The following DNAI4 variants were observed in gnomAD, a reference collection of about 807,000 sequenced individuals.
DNAI4 encodes the protein dynein axonemal intermediate chain 4.
In DNAI4, 85 loss-of-function variants were observed where a neutral mutation model predicts 105.8. That is an observed-to-expected ratio of 0.80 (90% CI 0.67 to 0.96). The LOEUF is 0.96. Ranked by LOEUF, DNAI4 falls within the 40% of genes least tolerant of loss-of-function variation. The pLI is 0.00. For synonymous variants in DNAI4, 352 were observed against 331.5 expected (o/e 1.06, Z -0.67); for missense variants, 1,014 against 1,005.6 (o/e 1.01, Z -0.11).
chr1:66,894,620 G>A (rs1648157457), intron 2 of DNAI4, among the ~76,000 whole-genome samples: 1 of 152,026 alleles, frequency 6.6e-6, no homozygotes, highest in Non-Finnish European at 1.5e-5. Context: ...AATATACCCA[G>A]AATTAATTTT....
chr1:66,842,004 C>T (rs952044219), intron 8 of DNAI4, among the ~76,000 whole-genome samples: 3 of 152,290 alleles, frequency 2.0e-5, no homozygotes, highest in African/African-American at 7.2e-5. Flanking sequence ...TCTGGTCCCT[C>T]GTCCCTGGAA....
At chr1:66,833,918 T>A (rs1212182427) in intron 12 of DNAI4, 73 bp downstream of exon 12, 9 of 1,505,192 alleles carry the variant, frequency 6.0e-6, no homozygotes, top group Non-Finnish European at 8.0e-6. Context: ...ATTTGTCATC[T>A]TTCACACATG....
intron 1 of DNAI4, among the ~76,000 whole-genome samples, chr1:66,920,199 G>C (rs1173390555): frequency 1.3e-5 from 2 of 152,194 alleles, no homozygotes; most frequent in East Asian, 1.9e-4. Flanking sequence ...ACTTCAGAGG[G>C]ACAGCTTGAT....
intron 4 of DNAI4, among the ~76,000 whole-genome samples, chr1:66,883,251 T>C (rs1430954465): frequency 6.7e-6 from 1 of 149,402 alleles, no homozygotes; most frequent in Non-Finnish European, 1.5e-5. Flanking sequence ...TCTGTAAGTA[T>C]AGACAGTTTT....
intron 10 of DNAI4, 29 bp downstream of exon 10, chr1:66,837,681 A>T: frequency 6.3e-7 from 1 of 1,590,460 alleles, no homozygotes; most frequent in Non-Finnish European, 8.6e-7. Context: ...CAGCCAGATA[A>T]AAATGCTTCT....
chr1:66,821,218 C>T (rs372403036), intron 16 of DNAI4, among the ~76,000 whole-genome samples: 286 of 150,940 alleles, frequency 1.9e-3, no homozygotes, highest in South Asian at 0.015. Flanking sequence ...CGTGCCTCAG[C>T]CTCCTGAGTA....
intron 13 of DNAI4, among the ~76,000 whole-genome samples, chr1:66,828,932 G>A (rs566101360): frequency 6.6e-5 from 10 of 152,020 alleles, no homozygotes; most frequent in African/African-American, 2.2e-4. Flanking sequence ...GTCATTTTTC[G>A]CTAGCGATCT....
At chr1:66,826,086 C>T (rs1645746634) in intron 15 of DNAI4, among the ~76,000 whole-genome samples, 1 of 152,132 alleles carries the variant, frequency 6.6e-6, no homozygotes, top group South Asian at 2.1e-4. Context: ...TCATACCCCT[C>T]TGAATATTTT....
rs372420665 is a variant in DNAI4, at chr1:66,877,595, C to T, written c.644-2658G>A. 2.0e-4 allele frequency among the ~76,000 whole-genome samples: 31 copies of T among 152,248 alleles called. No homozygotes were observed. The South Asian group carries it at 4.4e-3, about 21-fold the overall frequency. On this transcript the variant is annotated intron_variant, in intron 4 of 16. Transcript: ENST00000371026. Reference sequence around the variant, plus strand: ...TAATATTACTTTGGTACATTTAGTACAACTACAATATTGCTATTTTATCAT... The same window carrying T: ...TAATATTACTTTGGTACATTTAGTATAACTACAATATTGCTATTTTATCAT...
rs2100418494 is a variant in DNAI4, at chr1:66,834,057, G to A, written c.1825C>T (p.Leu609=). The change falls in exon 12 of 17, where the codon CTA becomes TTA. Residue 609 remains leucine, a synonymous_variant. Coordinates refer to ENST00000371026, the MANE Select transcript of DNAI4 (RefSeq NM_024763.5). ...CTTCCATCTGCTGATATAGAAACTAGTATTTCTCTTTTGCCATCTCCTGTT... is the reference window on the plus strand; with the variant it reads ...CTTCCATCTGCTGATATAGAAACTAATATTTCTCTTTTGCCATCTCCTGTT... ...GTTGDGKREI[L]VSISADGRIS... is the part of the protein sequence containing the mutation. 2 of 1,612,408 alleles carry A rather than the reference G, an allele frequency of 1.2e-6. No homozygotes were observed. Among genetic ancestry groups the A allele is most frequent in the South Asian group, 2.2e-5 (2 of 90,874 alleles).
chr1:66,835,878 A>G (rs1645975513), intron 10 of DNAI4, 101 bp from the exon 11 acceptor site: 2 of 982,832 alleles, frequency 2.0e-6, no homozygotes, highest in Admixed American at 1.9e-5. Flanking sequence ...TGGGTATGTG[A>G]GCAGAGTTAG....
chr1:66,905,057 A>T (rs1649134884), intron 2 of DNAI4, 144 bp downstream of exon 2: 2 of 603,434 alleles, frequency 3.3e-6, no homozygotes. Context: ...GTTGTATGGA[A>T]TAATATGTGG....
chr1:66,866,752 A>G (rs1334224599), intron 6 of DNAI4, among the ~76,000 whole-genome samples: 1 of 152,164 alleles, frequency 6.6e-6, no homozygotes, highest in Non-Finnish European at 1.5e-5. Flanking sequence ...TAGTATCTAG[A>G]CTGGAAATTA....
At position 66,840,552 on chromosome 1, in the gene DNAI4, T is replaced by C. The variant is rs765374408; in HGVS notation, c.1411A>G (p.Asn471Asp). Residue 471 changes from asparagine to aspartate, a missense_variant, in exon 9 of 17, where the codon AAC becomes GAC. By Grantham distance (23) the Asn-to-Asp change is conservative. Transcript: ENST00000371026. The stretch of plus-strand genomic sequence containing the variant: ...GAAAAAGACCAAAGTCGTTCCAAGT[T>C]GGCGGGTATTGTTGATTCTTCTGCA... The part of the protein sequence containing the change: ...IHAEESTIPA[N>D]LERLWSFSCD... The C allele has an allele frequency of 6.2e-7, 1 of 1,614,240 alleles. No individual in the cohort carries two copies. Among genetic ancestry groups the C allele is most frequent in the South Asian group, 1.1e-5 (1 of 91,090 alleles).
chr1:66,834,393 A>C (rs1645937428), intron 11 of DNAI4, among the ~76,000 whole-genome samples: 1 of 152,074 alleles, frequency 6.6e-6, no homozygotes, highest in South Asian at 2.1e-4. Context: ...GTCTTTAACT[A>C]TATTAGCTAT....
At chr1:66,825,868 C>T (rs1182214882) in intron 15 of DNAI4, among the ~76,000 whole-genome samples, 1 of 152,196 alleles carries the variant, frequency 6.6e-6, no homozygotes, top group Non-Finnish European at 1.5e-5. Flanking sequence ...TTGAATTTGA[C>T]ATCATTTCTT....
chr1:66,822,356 C>T lies in DNAI4; in HGVS notation c.2496+5G>A. The T allele has an allele frequency of 6.3e-7, 1 of 1,595,352 alleles. No homozygotes were observed. On this transcript the variant is annotated splice_donor_5th_base_variant and intron_variant, in intron 16 of 16. Coordinates refer to ENST00000371026, the MANE Select transcript of DNAI4 (RefSeq NM_024763.5). ...GACACAAATTTTTTTACTCTTGAGT[C>T]TTACCCGGCCAGTTTCCAAAACAGT...
intron 2 of DNAI4, among the ~76,000 whole-genome samples, chr1:66,904,289 T>C (rs1369672480): frequency 6.6e-6 from 1 of 152,138 alleles, no homozygotes; most frequent in African/African-American, 2.4e-5. Flanking sequence ...ATTTAATAAG[T>C]TGACAAATAA....
At chr1:66,836,321 AAAG>A (rs1377340348) in intron 10 of DNAI4, among the ~76,000 whole-genome samples, 1 of 140,470 alleles carries the variant, frequency 7.1e-6, no homozygotes, top group African/African-American at 2.8e-5. Context: ...AGAAAGAAAG[AAAG>A]AAGGAAAGAG....
Sources: allele counts gnomAD v4.1 joint callset (sites outside exome capture counted in the v4.1 genomes callset), GRCh38; gene constraint gnomAD v4.1.1; transcripts MANE v1.5; gene names NCBI Gene and HGNC (gene_info 2026-07-23, HGNC 2026-07-21).